KCTD1: variants seen among roughly 807,000 people sequenced by gnomAD.
KCTD1 encodes the protein BTB/POZ domain-containing protein KCTD1.
A neutral mutation model predicts 66.0 loss-of-function variants in KCTD1; 24 were observed. The observed-to-expected ratio is 0.36, with a 90% CI of 0.26 to 0.51. KCTD1 has a LOEUF of 0.51. Ranked by LOEUF, KCTD1 falls within the 20% of genes least tolerant of loss-of-function variation. KCTD1 has a pLI of 0.95. For missense variants in KCTD1, 943 were observed against 1,205.2 expected, an observed-to-expected ratio of 0.78 and a Z score of 3.22; for synonymous variants, 511 against 517.2, an observed-to-expected ratio of 0.99 and a Z score of 0.16.
At chr18:26,549,821 A>C (rs1295295598), upstream of KCTD1, 1 of 985,152 alleles carries the variant, frequency 1.0e-6, no homozygotes, top group Non-Finnish European at 1.2e-6. Flanking sequence ...AAAGCAGCCA[A>C]AGAGCTCGCC....
intron 2 of KCTD1, among the ~76,000 whole-genome samples, chr18:26,500,551 C>A (rs908131082): frequency 6.6e-6 from 1 of 152,102 alleles, no homozygotes; most frequent in Non-Finnish European, 1.5e-5. Flanking sequence ...TATTTATCTA[C>A]CTTAAGTTCG....
At chr18:26,574,618 C>T (rs752455978) in intron 1 of KCTD1, among the ~76,000 whole-genome samples, 4 of 152,198 alleles carry the variant, frequency 2.6e-5, no homozygotes, top group Non-Finnish European at 5.9e-5. Flanking sequence ...TCAAAACACA[C>T]TAGCTTCAAT....
rs1191767562 is a variant in KCTD1, at chr18:26,476,798, G to A, written c.1989-139C>T. ...GAAAAATTACGATTGTCTGCAAAGT[G>A]TTGGTCCCCGCTTGATAAATATCTC... On this transcript the variant is annotated intron_variant, in intron 2 of 4. Coordinates refer to ENST00000580059, the MANE Select transcript of KCTD1 (RefSeq NM_001142730.3). The surrounding 1 kb of genome is among the most constrained non-coding windows in gnomAD (Gnocchi z 4.9). 5.8e-6 allele frequency: 4 copies of A among 684,844 alleles called. No individual in the cohort carries two copies. The highest frequency in any genetic ancestry group is 1.0e-5 in the Non-Finnish European group (4 of 401,422). 42.4% of individuals were successfully genotyped at this position (684,844 alleles called of 1,614,324 possible).
chr18:26,612,277 A>C (rs1293494276), intron 1 of KCTD1, among the ~76,000 whole-genome samples: 1 of 150,060 alleles, frequency 6.7e-6, no homozygotes, highest in Non-Finnish European at 1.5e-5. Context: ...TATCTCTTCA[A>C]CTCAGGGAGT....
intron 3 of KCTD1, among the ~76,000 whole-genome samples, chr18:26,466,256 AG>A (rs1008544512): frequency 6.6e-6 from 1 of 152,224 alleles, no homozygotes; most frequent in African/African-American, 2.4e-5. Flanking sequence ...TGTAGGACCA[AG>A]GGAGGGGAAC....
In KCTD1 at chr18:26,548,432, C is replaced by T; in HGVS notation, c.105G>A (p.Glu35=). ...GGCGGCCGCGGCCCCCCGCGCCGCG[C>T]TCGCCCTCGCCCCGCTCCCCATTGT... The part of the protein sequence containing the change: ...AENNGERGEG[E]RGAGGRGRRH... The change falls in exon 1 of 5, where the codon GAG becomes GAA. Residue 35 remains glutamate (E), a synonymous_variant. Transcript: ENST00000580059. 7.3e-7 allele frequency: 1 copy of T among 1,370,344 alleles called. No individual in the cohort carries two copies. The highest frequency in any genetic ancestry group is 9.4e-7 in the Non-Finnish European group (1 of 1,063,114). 84.9% of individuals were successfully genotyped at this position (1,370,344 alleles called of 1,614,324 possible).
chr18:26,541,990 T>C (rs1396224380), intron 1 of KCTD1, among the ~76,000 whole-genome samples: 1 of 152,152 alleles, frequency 6.6e-6, no homozygotes, highest in African/African-American at 2.4e-5. Flanking sequence ...TCCCCTCTGA[T>C]GATCATGTAG....
chr18:26,549,316 G>T, upstream of KCTD1: 2 of 985,324 alleles, frequency 2.0e-6, no homozygotes, highest in South Asian at 9.4e-5. Flanking sequence ...TCTTGCAAAG[G>T]AGCGAAACAC....
intron 1 of KCTD1, among the ~76,000 whole-genome samples, chr18:26,532,298 C>A (rs1984488345): frequency 1.5e-5 from 2 of 133,850 alleles, no homozygotes; most frequent in Non-Finnish European, 1.5e-5. Flanking sequence ...GAGACAGGGC[C>A]TTGCTCTGTT....
At chr18:26,539,611 C>T (rs1407549023) in intron 1 of KCTD1, among the ~76,000 whole-genome samples, 1 of 152,336 alleles carries the variant, frequency 6.6e-6, no homozygotes, top group Non-Finnish European at 1.5e-5. Flanking sequence ...TCTCTGCAGT[C>T]TGCAGTACAA....
chr18:26,575,826 A>G (rs546029361), intron 1 of KCTD1, among the ~76,000 whole-genome samples: 1 of 152,126 alleles, frequency 6.6e-6, no homozygotes, highest in Non-Finnish European at 1.5e-5. Flanking sequence ...GCCTCATTGA[A>G]AGCACTGATC....
chr18:26,539,850 TATG>T (rs1402509146), intron 1 of KCTD1, among the ~76,000 whole-genome samples: 4 of 152,204 alleles, frequency 2.6e-5, no homozygotes, highest in Admixed American at 1.3e-4. Context: ...TTTCTCAGAT[TATG>T]ATAAAAATGA....
At chr18:26,629,737 T>TTG (rs1987578190), upstream of KCTD1, among the ~76,000 whole-genome samples, 1 of 150,894 alleles carries the variant, frequency 6.6e-6, no homozygotes, top group Non-Finnish European at 1.5e-5. Flanking sequence ...TTTTTTTTTT[T>TTG]GACAGAATCT....
intron 1 of KCTD1, among the ~76,000 whole-genome samples, chr18:26,518,141 G>C (rs984172534): frequency 3.3e-5 from 5 of 152,180 alleles, no homozygotes; most frequent in Non-Finnish European, 5.9e-5. Context: ...AATTCCAGAA[G>C]AGAATTTAAA....
At chr18:26,603,009 A>G (rs1276659592) in intron 1 of KCTD1, among the ~76,000 whole-genome samples, 25 of 152,216 alleles carry the variant, frequency 1.6e-4, no homozygotes, top group Admixed American at 1.6e-3. Context: ...GGCTGACAAA[A>G]ACATGCAATG....
intron 1 of KCTD1, among the ~76,000 whole-genome samples, chr18:26,536,619 A>G (rs1168052029): frequency 1.3e-5 from 2 of 152,170 alleles, no homozygotes; most frequent in African/African-American, 4.8e-5. Context: ...AAATGAGATA[A>G]GACTGATCTC....
chr18:26,546,717 G>C lies in KCTD1; in HGVS notation c.1809+11C>G. On this transcript the variant is annotated intron_variant, in intron 1 of 4. Transcript: ENST00000580059. ...AAGAAACATTTCATGCATAGAGTTT[G>C]GTTTGGTTACCTGGGTGGGGGAAAC... 1 of 1,542,234 alleles carries C rather than the reference G, an allele frequency of 6.5e-7. No homozygotes were observed. The highest frequency in any genetic ancestry group is 1.2e-5 in the South Asian group (1 of 81,912).
In KCTD1 at chr18:26,655,608, C is replaced by G. The variant is rs545151174; in HGVS notation, c.9+1752G>C. 4 of 152,388 alleles carry G rather than the reference C, an allele frequency of 2.6e-5. No individual in the cohort carries two copies. In the East Asian group the frequency reaches 7.7e-4, roughly 29 times the overall value. The allele number at this position is 152,388 out of a possible 1,614,324, so 9.4% of individuals were successfully genotyped here. On this transcript the variant is annotated intron_variant, in intron 1 of 4. Coordinates refer to the KCTD1 transcript ENST00000580191. ...AGTGCCACTGGGATCCTGGACAGTT[C>G]TGGTGTGCCATTCTCCACGTACAAA...
chr18:26,646,990 T>A (rs986061420), intron 1 of KCTD1, among the ~76,000 whole-genome samples: 1 of 152,164 alleles, frequency 6.6e-6, no homozygotes, highest in African/African-American at 2.4e-5. Context: ...TGCAGCAATA[T>A]ACATGATTGG....
Sources: gnomAD v4.1 joint callset for allele counts (sites outside exome capture counted in the v4.1 genomes callset) on GRCh38, gnomAD v4.1.1 for gene constraint, Gnocchi (gnomAD v3.1) non-coding constraint, MANE v1.5 for transcripts, NCBI Gene and HGNC (gene_info 2026-07-23, HGNC 2026-07-21) for gene names.